Variants in AMBP observed in about 807,000 individuals in gnomAD.
AMBP encodes alpha-1-microglobulin/bikunin precursor.
Under a neutral mutation model 46.3 loss-of-function variants are expected in AMBP, and 37 were observed. That is an observed-to-expected ratio of 0.80 (90% CI 0.61 to 1.05). AMBP has a LOEUF of 1.05. Ranked by LOEUF, AMBP falls within the 50% of genes least tolerant of loss-of-function variation. The probability of loss-of-function intolerance (pLI) is 0.00; values close to 1 mark genes in which losing one functional copy is unlikely to be tolerated. For synonymous variants in AMBP, 174 were observed against 175.9 expected, an observed-to-expected ratio of 0.99 and a Z score of 0.09; for missense variants, 475 against 461.2, an observed-to-expected ratio of 1.03 and a Z score of -0.27.
chr9:114,061,532 A>C lies in AMBP; in HGVS notation c.745T>G (p.Tyr249Asp). The C allele has an allele frequency of 6.2e-7, 1 of 1,613,862 alleles. No individual in the cohort carries two copies. The highest frequency in any genetic ancestry group is 8.5e-7 in the Non-Finnish European group (1 of 1,179,818). Residue 249 changes from tyrosine to aspartate, a missense_variant, in exon 8 of 10, where the codon TAT becomes GAT. Around this residue, in one of 3 missense-constraint regions of AMBP, gnomAD observed 293 missense variants for 276.9 expected, o/e 1.06. Coordinates refer to ENST00000265132, the MANE Select transcript of AMBP (RefSeq NM_001633.4). ...PCMGMTSRYF[Y>D]NGTSMACETF... Reference sequence around the variant, plus strand: ...TCACAGGCCATGGATGTACCATTATAGAAATACCTGCTGGTCATTCCCATG... The same window carrying C: ...TCACAGGCCATGGATGTACCATTATCGAAATACCTGCTGGTCATTCCCATG...
In AMBP at chr9:114,061,475, C is replaced by G; in HGVS notation, c.802G>C (p.Gly268Arg). ...TFQYGGCMGNGNNFVTEKECL... is the reference protein window; with the variant it reads ...TFQYGGCMGNRNNFVTEKECL... ...TCCTTTTCTGTGACGAAGTTGTTAC[C>G]GTTGCCCATGCAGCCGCCGTACTGG... is the stretch of plus-strand genomic sequence containing the variant. Residue 268 changes from glycine (G) to arginine (R), a missense_variant, in exon 8 of 10, where the codon GGT becomes CGT. By Grantham distance (125) the Gly-to-Arg change is moderately radical. Transcript: ENST00000265132. The G allele has an allele frequency of 6.2e-7, 1 of 1,614,106 alleles. No individual in the cohort carries two copies.
At chr9:114,069,303 A>G (rs1846721482) in intron 6 of AMBP, among the ~76,000 whole-genome samples, 1 of 152,202 alleles carries the variant, frequency 6.6e-6, no homozygotes, top group African/African-American at 2.4e-5. Flanking sequence ...TTTTAGGGAA[A>G]TCAATTGATT....
At chr9:114,063,537 T>G (rs912729331) in intron 6 of AMBP, among the ~76,000 whole-genome samples, 2 of 152,082 alleles carry the variant, frequency 1.3e-5, no homozygotes, top group African/African-American at 4.8e-5. Context: ...TGGAGAAAAA[T>G]CGTGGGACAA....
chr9:114,063,110 A>G (rs979119021), intron 6 of AMBP, among the ~76,000 whole-genome samples: 1 of 152,150 alleles, frequency 6.6e-6, no homozygotes, highest in African/African-American at 2.4e-5. Flanking sequence ...ATGTGAAGGC[A>G]TTGTTGCACA....
chr9:114,069,702 G>C lies in AMBP; in HGVS notation c.600C>G (p.Ile200Met). ...GGTCGGGGGATGAGGCACTCACCGG[G>C]ATTAAGATGGGCTCTGGTTCCTGCT... is the stretch of plus-strand genomic sequence containing the variant. ...PGEQEPEPILIPRVRRAVLPQ... is the reference protein window; with the variant it reads ...PGEQEPEPILMPRVRRAVLPQ... The change falls in exon 6 of 10, where the codon ATC becomes ATG. Residue 200 changes from isoleucine to methionine, a missense_variant. Around this residue, in one of 3 missense-constraint regions of AMBP, gnomAD observed 293 missense variants for 276.9 expected, o/e 1.06. Coordinates refer to ENST00000265132, the MANE Select transcript of AMBP (RefSeq NM_001633.4). The C allele has an allele frequency of 6.2e-7, 1 of 1,613,438 alleles. No individual in the cohort carries two copies. Among genetic ancestry groups the C allele is most frequent in the Non-Finnish European group, 8.5e-7 (1 of 1,179,900 alleles).
rs1210753975 is a variant in AMBP at position 114,060,923 on chromosome 9, A to G, written c.1027+2T>C. On this transcript the variant is annotated splice_donor_variant, in intron 9 of 9. Coordinates refer to ENST00000265132, the MANE Select transcript of AMBP (RefSeq NM_001633.4). LOFTEE classifies it high-confidence loss of function. ...AGCCTGGCACCCTGCAGGGCTGCCT[A>G]CCATCACCAGGGACACCGCAGTACT... The G allele has an allele frequency of 7.4e-6, 12 of 1,612,400 alleles. No homozygotes were observed. Among genetic ancestry groups the G allele is most frequent in the South Asian group, 2.2e-5 (2 of 90,784 alleles).
chr9:114,065,670 T>C (rs1450436119), intron 6 of AMBP, among the ~76,000 whole-genome samples: 2 of 151,280 alleles, frequency 1.3e-5, no homozygotes, highest in Non-Finnish European at 1.5e-5. Context: ...CCTTGGACTT[T>C]ACAAAAGTTG....
chr9:114,072,817 C>T (rs1266734500), intron 5 of AMBP, 108 bp downstream of exon 5: 2 of 945,816 alleles, frequency 2.1e-6, no homozygotes, highest in African/African-American at 1.7e-5. Context: ...GCTGTGGCGC[C>T]TTTTTATCTC....
At chr9:114,063,012 C>T (rs79635549) in intron 6 of AMBP, among the ~76,000 whole-genome samples, 3,026 of 151,886 alleles carry the variant, frequency 0.02, 47 homozygotes, top group East Asian at 0.074. Flanking sequence ...ATATCCAACT[C>T]CCAGTTGAAG....
chr9:114,060,157 G>A lies in AMBP; in HGVS notation c.*82C>T. 1 of 1,431,672 alleles carries A rather than the reference G, an allele frequency of 7.0e-7. No homozygotes were observed. Among genetic ancestry groups the A allele is most frequent in the Non-Finnish European group, 9.6e-7 (1 of 1,044,972 alleles). 88.7% of individuals were successfully genotyped at this position (1,431,672 alleles called of 1,614,324 possible). A position where few individuals can be genotyped will look rare whatever the true frequency, so the allele number is the denominator to read the frequency against. On this transcript the variant is annotated 3_prime_UTR_variant, in exon 10 of 10. Coordinates refer to ENST00000265132, the MANE Select transcript of AMBP (RefSeq NM_001633.4). ...GGAGTTTACAATTTAGTTTTTATTTGGACCCAGGTTGCTTGGCGCTGCCTG... is the reference window on the plus strand; with the variant it reads ...GGAGTTTACAATTTAGTTTTTATTTAGACCCAGGTTGCTTGGCGCTGCCTG...
At position 114,060,937 on chromosome 9, in the gene AMBP, C is replaced by T. The variant is rs1846628820; in HGVS notation, c.1015G>A (p.Val339Ile). 3 of 1,613,412 alleles carry T rather than the reference C, an allele frequency of 1.9e-6. No homozygotes were observed. Among genetic ancestry groups the T allele is most frequent in the African/African-American group, 2.7e-5 (2 of 74,936 alleles). ...CAGGGCTGCCTACCATCACCAGGGA[C>T]ACCGCAGTACTCTCTGCACTCCTTC... ...SEKECREYCG[V>I]PGDGDEELLR... is the part of the protein sequence containing the mutation. The change falls in exon 9 of 10, where the codon GTC becomes ATC. Residue 339 changes from valine (V) to isoleucine (I), a missense_variant. Transcript: ENST00000265132.
intron 7 of AMBP, among the ~76,000 whole-genome samples, chr9:114,062,071 C>A (rs1308900918): frequency 6.6e-6 from 1 of 152,170 alleles, no homozygotes; most frequent in Non-Finnish European, 1.5e-5. Flanking sequence ...TCCTCCTGAT[C>A]CCCTCACCCC....
Position 114,075,002 on chromosome 9 carries a change from C to T in AMBP, c.295G>A (p.Glu99Lys). ...AACTTCCCATCAGTATCTGTTTTCT[C>T]ATAAGCTCCAGACGTCTCCTCACAG... ...GVCEETSGAY[E>K]KTDTDGKFLY... Residue 99 changes from glutamate (E) to lysine (K), a missense_variant, in exon 3 of 10, where the codon GAG becomes AAG. By Grantham distance (56) the Glu-to-Lys change is moderately conservative. Around this residue, in one of 3 missense-constraint regions of AMBP, gnomAD observed 179 missense variants for 167.4 expected, o/e 1.07. Transcript: ENST00000265132. The T allele has an allele frequency of 1.2e-6, 2 of 1,614,168 alleles. No homozygotes were observed. Among genetic ancestry groups the T allele is most frequent in the East Asian group, 2.2e-5 (1 of 44,880 alleles).
At chr9:114,064,245 C>G (rs1304884419) in intron 6 of AMBP, among the ~76,000 whole-genome samples, 1 of 152,010 alleles carries the variant, frequency 6.6e-6, no homozygotes, top group Non-Finnish European at 1.5e-5. Flanking sequence ...TAGAAATAGT[C>G]CCACCAATTA....
rs2134854056 is a variant in AMBP, at chr9:114,072,958, G to C, written c.523C>G (p.Pro175Ala). Reference protein sequence around the residue: ...FRVVAQGVGIPEDSIFTMADR... With the variant: ...FRVVAQGVGIAEDSIFTMADR... ...GCCATGGTGAAGATGGAGTCCTCAG[G>C]GATGCCCACACCCTGGGCAACCACT... is the stretch of plus-strand genomic sequence containing the variant. Residue 175 changes from proline (P) to alanine (A), a missense_variant, in exon 5 of 10, where the codon CCT (proline) becomes GCT (alanine). By Grantham distance (27) the Pro-to-Ala change is conservative (BLOSUM62 -1). Around this residue, in one of 3 missense-constraint regions of AMBP, gnomAD observed 293 missense variants for 276.9 expected, o/e 1.06. Coordinates refer to ENST00000265132, the MANE Select transcript of AMBP (RefSeq NM_001633.4). 6.2e-7 allele frequency: 1 copy of C among 1,613,928 alleles called. No homozygotes were observed. The highest frequency in any genetic ancestry group is 8.5e-7 in the Non-Finnish European group (1 of 1,179,854).
chr9:114,075,105 T>A (rs1036432645), intron 2 of AMBP, 69 bp from the exon 3 acceptor site: 10 of 1,278,516 alleles, frequency 7.8e-6, no homozygotes, highest in Non-Finnish European at 1.1e-5. Flanking sequence ...TCAACCCTCC[T>A]GCAGGGCTCT....
Position 114,076,714 on chromosome 9 carries a change from G to C in AMBP, c.144C>G (p.Ala48=). 2 of 1,614,044 alleles carry C rather than the reference G, an allele frequency of 1.2e-6. No homozygotes were observed. The highest frequency in any genetic ancestry group is 1.7e-6 in the Non-Finnish European group (2 of 1,179,984). The change falls in exon 2 of 10, where the codon GCC becomes GCG. Residue 48 remains alanine, a synonymous_variant. Transcript: ENST00000265132. ...SRIYGKWYNL[A]IGSTCPWLKK... is the part of the protein sequence containing the mutation. Reference sequence around the variant, plus strand: ...TCAGCCAGGGGCAGGTGGAACCGATGGCCAGGTTGTACCACTTCCCATAGA... The same window carrying C: ...TCAGCCAGGGGCAGGTGGAACCGATCGCCAGGTTGTACCACTTCCCATAGA...
chr9:114,072,848 C>G (rs1846759675), intron 5 of AMBP, 77 bp downstream of exon 5: 1 of 1,348,140 alleles, frequency 7.4e-7, no homozygotes, highest in African/African-American at 1.4e-5. Flanking sequence ...AGTAAGGACC[C>G]AGGGGCTGGG....
At chr9:114,071,342 C>T (rs1846741830) in intron 5 of AMBP, among the ~76,000 whole-genome samples, 1 of 152,230 alleles carries the variant, frequency 6.6e-6, no homozygotes, top group Non-Finnish European at 1.5e-5. Context: ...GCAGCCTGGA[C>T]AGGTATGCAC....
Sources: gnomAD v4.1 joint callset for allele counts (sites outside exome capture counted in the v4.1 genomes callset) on GRCh38, gnomAD v4.1.1 for gene constraint, gnomAD v4.1.1 regional missense constraint, MANE v1.5 for transcripts, NCBI Gene and HGNC (gene_info 2026-07-23, HGNC 2026-07-21) for gene names.